Variants in GPC5 observed in about 807,000 individuals in gnomAD.
GPC5 encodes glypican 5.
Under a neutral mutation model 53.9 loss-of-function variants are expected in GPC5, and 47 were observed. The ratio of observed to expected loss-of-function variants is 0.87; its 90% CI spans 0.69 to 1.11. The LOEUF (loss-of-function observed/expected upper bound fraction) is 1.11, where lower values mean the gene tolerates loss of function less well. GPC5 is among the 50% of genes most tolerant of loss of function. The probability of loss-of-function intolerance (pLI) is 0.00; values close to 1 mark genes in which losing one functional copy is unlikely to be tolerated. For synonymous variants in GPC5, 286 were observed against 263.3 expected, an observed-to-expected ratio of 1.09 and a Z score of -0.84; for missense variants, 748 against 713.1, an observed-to-expected ratio of 1.05 and a Z score of -0.56.
intron 4 of GPC5, among the ~76,000 whole-genome samples, chr13:91,754,840 A>T (rs865834178): frequency 4.6e-5 from 7 of 152,250 alleles, no homozygotes; most frequent in Non-Finnish European, 7.4e-5. Context: ...TGTGCTATCA[A>T]GAGAATAAAG....
intron 7 of GPC5, among the ~76,000 whole-genome samples, chr13:92,545,764 G>A (rs1882088822): frequency 6.6e-6 from 1 of 152,074 alleles, no homozygotes; most frequent in Non-Finnish European, 1.5e-5. Flanking sequence ...TTTTGATGGG[G>A]TTGTTTGTTT....
intron 5 of GPC5, among the ~76,000 whole-genome samples, chr13:91,898,422 T>C (rs2138981757): frequency 6.6e-6 from 1 of 152,276 alleles, no homozygotes; most frequent in South Asian, 2.1e-4. Flanking sequence ...TGAAGGGTAG[T>C]GTTTCCTTCC....
At position 92,713,428 on chromosome 13, in the gene GPC5, T is replaced by TA. The variant is rs556939674; in HGVS notation, c.1562-152835dup. On this transcript the variant is annotated intron_variant, in intron 7 of 7. Transcript: ENST00000377067. ...TAACACAGTGAAACTCCGGCTCTAC[T>TA]AAAAAAAAAAAAAAAAAAATACAAA... is the stretch of plus-strand genomic sequence containing the variant. 8.5e-3 allele frequency among the ~76,000 whole-genome samples: 987 copies of TA among 116,384 alleles called. 8 individuals are homozygous for TA. The highest frequency in any genetic ancestry group is 0.013 in the African/African-American group (414 of 31,022). The allele number at this position is 116,384 out of a possible 152,430, so 76.4% of individuals were successfully genotyped here.
At chr13:91,802,698 C>A (rs192431951) in intron 5 of GPC5, among the ~76,000 whole-genome samples, 69 of 152,180 alleles carry the variant, frequency 4.5e-4, no homozygotes, top group African/African-American at 1.6e-3. Context: ...AGTCCCCAGC[C>A]GACCCGGAAG....
At chr13:92,089,515 T>A (rs1316220077) in intron 6 of GPC5, among the ~76,000 whole-genome samples, 1 of 152,190 alleles carries the variant, frequency 6.6e-6, no homozygotes, top group East Asian at 1.9e-4. Flanking sequence ...TTTTTTTACA[T>A]ATTTTAAATT....
intron 6 of GPC5, among the ~76,000 whole-genome samples, chr13:92,110,679 T>A (rs1421676717): frequency 1.3e-5 from 2 of 152,218 alleles, no homozygotes; most frequent in Admixed American, 1.3e-4. Flanking sequence ...CTCATTTTAG[T>A]TCTCTAAGGC....
chr13:91,600,022 A>G (rs895571910), intron 2 of GPC5, among the ~76,000 whole-genome samples: 10 of 152,024 alleles, frequency 6.6e-5, no homozygotes, highest in Non-Finnish European at 1.3e-4. Context: ...CCTGGGTTCA[A>G]GCAATTCTCT....
At chr13:91,479,439 G>C (rs777757155) in intron 2 of GPC5, among the ~76,000 whole-genome samples, 1 of 152,112 alleles carries the variant, frequency 6.6e-6, no homozygotes, top group Non-Finnish European at 1.5e-5. Flanking sequence ...GGTGCATTTA[G>C]CATTTTTGGA....
At chr13:91,575,905 A>G (rs903438908) in intron 2 of GPC5, among the ~76,000 whole-genome samples, 11 of 152,230 alleles carry the variant, frequency 7.2e-5, no homozygotes, top group Admixed American at 5.2e-4. Context: ...GTGTCAAAGA[A>G]TTCTAAAAAA....
chr13:91,452,439 G>A (rs1046330079), intron 2 of GPC5, among the ~76,000 whole-genome samples: 3 of 152,112 alleles, frequency 2.0e-5, no homozygotes, highest in African/African-American at 7.2e-5. Flanking sequence ...TTGCAAGGAG[G>A]AATGTTGGCT....
chr13:91,768,685 C>T (rs1436392603), intron 5 of GPC5, among the ~76,000 whole-genome samples: 3 of 152,088 alleles, frequency 2.0e-5, no homozygotes, highest in Non-Finnish European at 4.4e-5. Flanking sequence ...ATTAAACCAA[C>T]AACAGTTTAG....
chr13:92,080,771 A>G (rs1339701523), intron 6 of GPC5, among the ~76,000 whole-genome samples: 1 of 152,200 alleles, frequency 6.6e-6, no homozygotes, highest in Non-Finnish European at 1.5e-5. Context: ...ATGGCCTGTG[A>G]TATTTGTAGT....
At position 91,728,559 on chromosome 13, in the gene GPC5, A is replaced by G; in HGVS notation, c.1048A>G (p.Arg350Gly). ...AAATAGGATTTGTGGCCGCCCTGTA[A>G]GAACACCCACACAAAGCCCCCGTTG... ...QVNRICGRPV[R>G]TPTQSPRCSF... The change falls in exon 4 of 8, where the codon AGA (arginine) becomes GGA (glycine). Residue 350 changes from arginine to glycine, a missense_variant. Arg to Gly is a moderately radical substitution (Grantham distance 125). Transcript: ENST00000377067. 1 of 1,612,278 alleles carries G rather than the reference A, an allele frequency of 6.2e-7. No homozygotes were observed. The highest frequency in any genetic ancestry group is 8.5e-7 in the Non-Finnish European group (1 of 1,178,818).
At chr13:92,416,826 A>T (rs150405890) in intron 7 of GPC5, among the ~76,000 whole-genome samples, 1 of 152,326 alleles carries the variant, frequency 6.6e-6, no homozygotes, top group Non-Finnish European at 1.5e-5. Flanking sequence ...TGTATCTGAT[A>T]AGAAACTCAT....
intron 7 of GPC5, among the ~76,000 whole-genome samples, chr13:92,683,534 T>A (rs1887167202): frequency 6.6e-6 from 1 of 152,214 alleles, no homozygotes. Flanking sequence ...TATGTGGACA[T>A]CAGAACTGAT....
chr13:92,286,959 A>G (rs12875273), intron 7 of GPC5, among the ~76,000 whole-genome samples: 13,010 of 152,260 alleles, frequency 0.085, 617 homozygotes, highest in Middle Eastern at 0.12. Flanking sequence ...TAGGTACAAG[A>G]TGGCCATATG....
chr13:92,560,587 C>T (rs564445303), intron 7 of GPC5, among the ~76,000 whole-genome samples: 1 of 151,964 alleles, frequency 6.6e-6, no homozygotes, highest in African/African-American at 2.4e-5. Flanking sequence ...CTCCATATCC[C>T]CGGCATATAC....
intron 7 of GPC5, among the ~76,000 whole-genome samples, chr13:92,547,672 A>G (rs1296381182): frequency 6.6e-6 from 1 of 152,182 alleles, no homozygotes; most frequent in African/African-American, 2.4e-5. Context: ...ATAGCAATTT[A>G]GCATTTAAAC....
chr13:92,215,835 C>A (rs2042405852), intron 7 of GPC5, among the ~76,000 whole-genome samples: 1 of 152,120 alleles, frequency 6.6e-6, no homozygotes, highest in Non-Finnish European at 1.5e-5. Flanking sequence ...TGTGATGGTG[C>A]TTGTTGATGG....
Sources: gnomAD v4.1 joint callset for allele counts (sites outside exome capture counted in the v4.1 genomes callset) on GRCh38, gnomAD v4.1.1 for gene constraint, MANE v1.5 for transcripts, NCBI Gene and HGNC (gene_info 2026-07-23, HGNC 2026-07-21) for gene names.